SOX5: variants seen among roughly 807,000 people sequenced by gnomAD.
SOX5 encodes SRY-box transcription factor 5.
Under a neutral mutation model 92.0 loss-of-function variants are expected in SOX5, and 9 were observed. The ratio of observed to expected loss-of-function variants is 0.10; its 90% confidence interval spans 0.06 to 0.17. The LOEUF (loss-of-function observed/expected upper bound fraction) is 0.17. Ranked by LOEUF, SOX5 falls within the 10% of genes least tolerant of loss-of-function variation. The probability of loss-of-function intolerance (pLI) is 1.00; values close to 1 mark genes in which losing one functional copy is unlikely to be tolerated. For missense variants in SOX5, 642 were observed against 944.5 expected (o/e 0.68, Z 4.20); for synonymous variants, 344 against 336.3 (o/e 1.02, Z -0.25).
intron 6 of SOX5, among the ~76,000 whole-genome samples, chr12:23,695,940 CAAAAAAAAAAA>C (rs71059917): frequency 9.2e-4 from 11 of 11,908 alleles, no homozygotes; most frequent in East Asian, 7.4e-3. Context: ...GACTCTGTCT[CAAAAAAAAAAA>C]AAAAAAAAAA....
chr12:23,704,362 A>G lies in SOX5; in HGVS notation c.810+30322T>C, dbSNP rs1202902130. On this transcript the variant is annotated intron_variant, in intron 6 of 14. Coordinates refer to ENST00000451604, the MANE Select transcript of SOX5 (RefSeq NM_006940.6). ...GAAAAATCACCATTATAAAGTGCAA[A>G]ATATGCAAAATCAATTCTTCTCCCT... Among the ~76,000 whole-genome samples the G allele has an allele frequency of 2.0e-5, 3 of 151,856 alleles. No individual in the cohort carries two copies. The South Asian group carries it at 6.2e-4, about 31-fold the overall frequency.
chr12:24,344,180 A>T (rs1952920879), intron 2 of SOX5, among the ~76,000 whole-genome samples: 1 of 148,670 alleles, frequency 6.7e-6, no homozygotes, highest in African/African-American at 2.5e-5. Context: ...CTACTGGAGG[A>T]GCTGAGGCAG....
At chr12:23,683,876 TAAAG>T (rs964571712) in intron 6 of SOX5, among the ~76,000 whole-genome samples, 16 of 151,452 alleles carry the variant, frequency 1.1e-4, no homozygotes, top group African/African-American at 3.9e-4. Context: ...AAAAAATAAA[TAAAG>T]AAAAAGTTTT....
intron 3 of SOX5, among the ~76,000 whole-genome samples, chr12:23,807,725 C>T (rs895742255): frequency 6.6e-6 from 1 of 151,678 alleles, no homozygotes; most frequent in African/African-American, 2.4e-5. Flanking sequence ...ACTGCAGCCT[C>T]CGCCTCCTGG....
intron 4 of SOX5, among the ~76,000 whole-genome samples, chr12:23,742,426 T>A (rs1299431785): frequency 6.6e-6 from 1 of 152,148 alleles, no homozygotes. Context: ...ATTTATTATA[T>A]CTCAGATATT....
At position 23,820,872 on chromosome 12, in the gene SOX5, G is replaced by T. The variant is rs146546098; in HGVS notation, c.481+25111C>A. Among the ~76,000 whole-genome samples the T allele has an allele frequency of 3.3e-4, 50 of 152,234 alleles. No individual in the cohort carries two copies. The East Asian group carries it at 9.6e-3, about 29-fold the overall frequency. ...CAGATGGTGTGATGCCTCCAGCTTTGCTCTTTTTGCCTAGGATTGTCTTGG... is the reference window on the plus strand; with the variant it reads ...CAGATGGTGTGATGCCTCCAGCTTTTCTCTTTTTGCCTAGGATTGTCTTGG... On this transcript the variant is annotated intron_variant, in intron 3 of 14. Transcript: ENST00000451604.
At chr12:24,485,082 T>C (rs1018110881) in intron 1 of SOX5, among the ~76,000 whole-genome samples, 1 of 151,986 alleles carries the variant, frequency 6.6e-6, no homozygotes, top group African/African-American at 2.4e-5. Context: ...ATTAGGAAAA[T>C]GGTCTGCACA....
chr12:24,316,543 C>G lies in SOX5; in HGVS notation c.-173-39231G>C, dbSNP rs139307090. Among the ~76,000 whole-genome samples the G allele has an allele frequency of 7.5e-3, 1,148 of 152,232 alleles. 17 individuals carry two copies. The highest frequency in any genetic ancestry group is 0.026 in the African/African-American group (1,070 of 41,532). ...TGATTGGAATTCTCTCTCTGGGCCT[C>G]TAACTTTTGGGTGTGAAGGAAGGAA... On this transcript the variant is annotated intron_variant, in intron 2 of 4. Transcript: ENST00000446891.
At chr12:24,428,734 A>AAAAAAAAAAAAAAAAAAAAAAAAC in intron 1 of SOX5, among the ~76,000 whole-genome samples, 1 of 138,194 alleles carries the variant, frequency 7.2e-6, no homozygotes, top group Non-Finnish European at 1.6e-5. Context: ...CTCAAAAAAA[A>AAAAAAAAAAAAAAAAAAAAAAAAC]AAAAAAAAAA....
intron 3 of SOX5, among the ~76,000 whole-genome samples, chr12:24,271,491 G>A (rs955880488): frequency 5.3e-5 from 8 of 151,890 alleles, no homozygotes; most frequent in African/African-American, 1.2e-4. Context: ...TTTTTATGGC[G>A]TTTTCTGATA....
intron 4 of SOX5, among the ~76,000 whole-genome samples, chr12:24,107,775 G>T (rs188450478): frequency 5.3e-5 from 8 of 152,178 alleles, no homozygotes; most frequent in African/African-American, 1.4e-4. Context: ...GGCTTAAAGA[G>T]GGTCACTGAG....
At chr12:23,903,593 C>A (rs1466583692) in intron 1 of SOX5, among the ~76,000 whole-genome samples, 1 of 152,088 alleles carries the variant, frequency 6.6e-6, no homozygotes, top group African/African-American at 2.4e-5. Flanking sequence ...AAAAAAAACT[C>A]TTTTAATTAA....
intron 6 of SOX5, among the ~76,000 whole-genome samples, chr12:23,693,181 T>G (rs1450127301): frequency 1.3e-5 from 2 of 152,172 alleles, no homozygotes; most frequent in Non-Finnish European, 2.9e-5. Flanking sequence ...GGAGTGCAAG[T>G]GGCACGATCT....
chr12:24,048,640 A>G (rs1957268085), intron 4 of SOX5, among the ~76,000 whole-genome samples: 1 of 152,234 alleles, frequency 6.6e-6, no homozygotes, highest in Non-Finnish European at 1.5e-5. Flanking sequence ...GATAAATAAA[A>G]TGTGGTATAT....
At chr12:23,683,862 T>C (rs2087058995) in intron 6 of SOX5, among the ~76,000 whole-genome samples, 1 of 151,558 alleles carries the variant, frequency 6.6e-6, no homozygotes, top group Admixed American at 6.6e-5. Context: ...TTGAGTAGAA[T>C]GGAAAAAAAT....
chr12:24,530,783 A>G (rs1489429806), intron 1 of SOX5, among the ~76,000 whole-genome samples: 6 of 151,418 alleles, frequency 4.0e-5, no homozygotes, highest in African/African-American at 1.5e-4. Flanking sequence ...CAACTATTTT[A>G]TTTTAATCCA....
chr12:23,750,985 T>C (rs2094162892), intron 4 of SOX5, among the ~76,000 whole-genome samples: 3 of 152,022 alleles, frequency 2.0e-5, no homozygotes, highest in East Asian at 1.9e-4. Context: ...GTCAAACTTA[T>C]TTTGAAAACT....
At chr12:23,826,736 A>G (rs2096241685) in intron 3 of SOX5, among the ~76,000 whole-genome samples, 1 of 152,126 alleles carries the variant, frequency 6.6e-6, no homozygotes, top group Non-Finnish European at 1.5e-5. Flanking sequence ...AGAACTCCAA[A>G]TGGGAGAGGG....
intron 1 of SOX5, among the ~76,000 whole-genome samples, chr12:24,401,201 A>C (rs953796162): frequency 2.6e-5 from 4 of 151,796 alleles, no homozygotes; most frequent in African/African-American, 9.7e-5. Context: ...TGAATACAAA[A>C]ATTAGCCGGT....
Sources: gnomAD v4.1 joint callset for allele counts (sites outside exome capture counted in the v4.1 genomes callset) on GRCh38, gnomAD v4.1.1 for gene constraint, MANE v1.5 for transcripts, NCBI Gene and HGNC (gene_info 2026-07-23, HGNC 2026-07-21) for gene names.